The following PRKCB variants were observed in gnomAD, a reference collection of about 807,000 sequenced individuals.
PRKCB encodes the protein protein kinase C beta.
A neutral mutation model predicts 81.5 loss-of-function variants in PRKCB; 13 were observed. The observed-to-expected ratio is 0.16, with a 90% CI of 0.10 to 0.25. The LOEUF (loss-of-function observed/expected upper bound fraction) is 0.25, where lower values mean the gene tolerates loss of function less well. Ranked by LOEUF, PRKCB falls within the 10% of genes least tolerant of loss-of-function variation. PRKCB has a pLI of 1.00. For synonymous variants in PRKCB, 335 were observed against 321.4 expected (o/e 1.04, Z -0.45); for missense variants, 509 against 875.7 (o/e 0.58, Z 5.29).
intron 2 of PRKCB, among the ~76,000 whole-genome samples, chr16:23,912,811 C>T (rs1470729455): frequency 1.9e-5 from 2 of 105,618 alleles, no homozygotes; most frequent in East Asian, 5.8e-4. Flanking sequence ...CCGTGCCTGG[C>T]CTTTATTTAT....
chr16:24,180,966 G>A, intron 13 of PRKCB, 38 bp downstream of exon 13: 3 of 1,607,144 alleles, frequency 1.9e-6, no homozygotes, highest in East Asian at 2.2e-5. Flanking sequence ...TTGCGGTGAT[G>A]TACCCTCTGC....
chr16:23,997,745 C>T (rs1193722736), intron 3 of PRKCB, among the ~76,000 whole-genome samples: 1 of 152,244 alleles, frequency 6.6e-6, no homozygotes, highest in African/African-American at 2.4e-5. Flanking sequence ...TCAAGGACTT[C>T]ATCTCCTTTT....
chr16:23,891,315 A>G (rs543292137), intron 2 of PRKCB, among the ~76,000 whole-genome samples: 1 of 152,178 alleles, frequency 6.6e-6, no homozygotes, highest in South Asian at 2.1e-4. Context: ...AGCCTCCCAA[A>G]GTGCTGGAAA....
At chr16:23,844,530 G>T (rs7404268) in intron 2 of PRKCB, among the ~76,000 whole-genome samples, 86,716 of 151,970 alleles carry the variant, frequency 0.57, 24,803 homozygotes, top group East Asian at 0.61. Context: ...TTTTTGAGAC[G>T]GAGTCTTGCT....
At chr16:24,188,558 A>G (rs1349698212) in intron 15 of PRKCB, among the ~76,000 whole-genome samples, 5 of 152,036 alleles carry the variant, frequency 3.3e-5, no homozygotes, top group Admixed American at 6.6e-5. Flanking sequence ...TGTCCTTTAT[A>G]TGTCCATTCC....
chr16:23,921,912 G>T (rs10221006), intron 2 of PRKCB, among the ~76,000 whole-genome samples: 1 of 151,932 alleles, frequency 6.6e-6, no homozygotes, highest in Non-Finnish European at 1.5e-5. Flanking sequence ...CAAGAAGAAG[G>T]CATTTGAGTT....
chr16:24,215,470 T>C lies in PRKCB; in HGVS notation c.*654T>C, dbSNP rs968237756. On this transcript the variant is annotated 3_prime_UTR_variant, in exon 17 of 17. Transcript: ENST00000643927. ...GCTACCTCAGTGTTGTAGTTTCTGA[T>C]ACTTTATGTCTTTGCTCACCCTCAT... is the stretch of plus-strand genomic sequence containing the variant. 31 of 985,754 alleles carry C rather than the reference T, an allele frequency of 3.1e-5. No homozygotes were observed. Among genetic ancestry groups the C allele is most frequent in the Non-Finnish European group, 3.5e-5 (29 of 829,962 alleles). 61.1% of individuals were successfully genotyped at this position (985,754 alleles called of 1,614,324 possible).
At chr16:24,096,056 G>T (rs567580974) in intron 7 of PRKCB, among the ~76,000 whole-genome samples, 23 of 152,232 alleles carry the variant, frequency 1.5e-4, no homozygotes, top group African/African-American at 5.3e-4. Flanking sequence ...CCAGCACTTT[G>T]GGAGGCCGAG....
At chr16:23,865,019 G>A (rs1360080256) in intron 2 of PRKCB, among the ~76,000 whole-genome samples, 4 of 151,970 alleles carry the variant, frequency 2.6e-5, no homozygotes, top group Non-Finnish European at 2.9e-5. Flanking sequence ...ATTTGCTTAG[G>A]ATAATGGCCT....
chr16:24,004,386 A>C (rs980589218), intron 3 of PRKCB, among the ~76,000 whole-genome samples: 3 of 151,986 alleles, frequency 2.0e-5, no homozygotes, highest in African/African-American at 4.8e-5. Context: ...GACTCAAAAC[A>C]AAAAGCATAA....
intron 8 of PRKCB, among the ~76,000 whole-genome samples, chr16:24,116,054 G>A (rs1951848403): frequency 6.6e-6 from 1 of 152,150 alleles, no homozygotes; most frequent in African/African-American, 2.4e-5. Context: ...GTTACCACAC[G>A]TGGTATATTT....
chr16:23,990,197 G>A (rs887428779), intron 3 of PRKCB, among the ~76,000 whole-genome samples: 8 of 152,008 alleles, frequency 5.3e-5, no homozygotes, highest in Non-Finnish European at 7.4e-5. Flanking sequence ...GGTGGCTCAC[G>A]CCTGTAATCC....
At chr16:24,152,423 A>G in intron 9 of PRKCB, among the ~76,000 whole-genome samples, 1 of 152,192 alleles carries the variant, frequency 6.6e-6, no homozygotes, top group Non-Finnish European at 1.5e-5. Flanking sequence ...GGACACAGCC[A>G]AACCATATCA....
intron 10 of PRKCB, among the ~76,000 whole-genome samples, chr16:24,171,890 C>A (rs191289907): frequency 6.6e-6 from 1 of 152,176 alleles, no homozygotes; most frequent in East Asian, 1.9e-4. Context: ...CCTGCCACCA[C>A]GATTCGCTAA....
intron 2 of PRKCB, among the ~76,000 whole-genome samples, chr16:23,905,569 T>G (rs8046176): frequency 0.035 from 5,368 of 152,302 alleles, 333 homozygotes; most frequent in African/African-American, 0.12. Context: ...GCTATTCAGG[T>G]TTAACTGGGC....
chr16:24,123,888 T>G lies in PRKCB; in HGVS notation c.972T>G (p.Thr324=), dbSNP rs780936454. The part of the protein sequence containing the change: ...TKVPEEKTTN[T]VSKFDNNGNR... ...TCCCGGAAGAAAAGACGACCAACAC[T>G]GTCTCCAAATTTGACAACAATGGCA... Residue 324 remains threonine, a synonymous_variant, in exon 9 of 17, where the codon ACT becomes ACG. Coordinates refer to ENST00000643927, the MANE Select transcript of PRKCB (RefSeq NM_002738.7). The G allele has an allele frequency of 6.2e-7, 1 of 1,614,036 alleles. No individual in the cohort carries two copies.
chr16:24,197,023 T>G (rs1967890152), intron 16 of PRKCB, among the ~76,000 whole-genome samples: 1 of 151,520 alleles, frequency 6.6e-6, no homozygotes, highest in Non-Finnish European at 1.5e-5. Context: ...AAGAAGCGTG[T>G]GCTGGTTCTG....
chr16:23,979,283 C>T (rs196017), intron 2 of PRKCB, among the ~76,000 whole-genome samples: 118,919 of 152,086 alleles, frequency 0.78, 47,564 homozygotes, highest in East Asian at 0.99. Context: ...AGCTGTAGAG[C>T]TTGTACCATG....
At chr16:24,207,837 G>A (rs1968070693) in intron 16 of PRKCB, among the ~76,000 whole-genome samples, 1 of 152,206 alleles carries the variant, frequency 6.6e-6, no homozygotes, top group African/African-American at 2.4e-5. Flanking sequence ...AGAAGGAGTG[G>A]AAGGCAAGTG....
Sources: gnomAD v4.1 joint callset for allele counts (sites outside exome capture counted in the v4.1 genomes callset) on GRCh38, gnomAD v4.1.1 for gene constraint, MANE v1.5 for transcripts, NCBI Gene and HGNC (gene_info 2026-07-23, HGNC 2026-07-21) for gene names.